The following ASTN2 variants were observed in gnomAD, a reference collection of about 807,000 sequenced individuals.
The protein encoded by ASTN2 is astrotactin-2.
Under a neutral mutation model 139.8 loss-of-function variants are expected in ASTN2, and 54 were observed. The ratio of observed to expected loss-of-function variants is 0.39; its 90% CI spans 0.31 to 0.48. The LOEUF is 0.48. ASTN2 is among the 20% of genes least tolerant of loss of function. The pLI is 0.95. For missense variants in ASTN2, 1,565 were observed against 1,725.1 expected, an observed-to-expected ratio of 0.91 and a Z score of 1.64; for synonymous variants, 756 against 719.5, an observed-to-expected ratio of 1.05 and a Z score of -0.81.
intron 20 of ASTN2, among the ~76,000 whole-genome samples, chr9:116,478,973 C>A (rs1248568482): frequency 1.8e-5 from 2 of 110,512 alleles, no homozygotes; most frequent in Non-Finnish European, 3.3e-5. Flanking sequence ...GTCTGGGCGA[C>A]AGAAGGAGAC....
chr9:116,708,879 A>T (rs1828066375), intron 16 of ASTN2, among the ~76,000 whole-genome samples: 1 of 152,214 alleles, frequency 6.6e-6, no homozygotes, highest in Non-Finnish European at 1.5e-5. Context: ...CAGGCACTGC[A>T]ATTAGTGACC....
intron 13 of ASTN2, among the ~76,000 whole-genome samples, chr9:116,780,567 G>A (rs1458710519): frequency 6.6e-6 from 1 of 152,176 alleles, no homozygotes; most frequent in Non-Finnish European, 1.5e-5. Flanking sequence ...CACGCAGTTT[G>A]TCCTTCCAGG....
intron 10 of ASTN2, among the ~76,000 whole-genome samples, chr9:116,944,160 T>G (rs796896065): frequency 3.9e-5 from 6 of 151,970 alleles, no homozygotes; most frequent in African/African-American, 1.4e-4. Context: ...AAGCAGAAAA[T>G]GATTAAGCAA....
intron 11 of ASTN2, among the ~76,000 whole-genome samples, chr9:116,849,453 A>C (rs2132319661): frequency 6.6e-6 from 1 of 152,310 alleles, no homozygotes; most frequent in South Asian, 2.1e-4. Context: ...AATGATAACA[A>C]GAATTTTAGA....
intron 10 of ASTN2, among the ~76,000 whole-genome samples, chr9:116,869,483 CAT>C (rs1232664526): frequency 6.6e-6 from 1 of 152,144 alleles, no homozygotes; most frequent in African/African-American, 2.4e-5. Context: ...CTAGACACTT[CAT>C]GTTTCATTGT....
chr9:117,318,825 G>A (rs1163023120), intron 1 of ASTN2, among the ~76,000 whole-genome samples: 2 of 152,166 alleles, frequency 1.3e-5, no homozygotes, highest in Non-Finnish European at 2.9e-5. Context: ...CAAAAGGCCT[G>A]GAGCTGCCCA....
At chr9:117,150,375 G>A (rs1396162006) in intron 3 of ASTN2, among the ~76,000 whole-genome samples, 1 of 152,170 alleles carries the variant, frequency 6.6e-6, no homozygotes, top group African/African-American at 2.4e-5. Flanking sequence ...GACCAGAAAG[G>A]TAATGGACAT....
chr9:116,499,290 T>C (rs534274918), intron 19 of ASTN2, among the ~76,000 whole-genome samples: 16 of 152,296 alleles, frequency 1.1e-4, no homozygotes, highest in Middle Eastern at 3.4e-3. Context: ...GGGGGCACAG[T>C]AGCTATTCAT....
At chr9:117,234,204 G>A (rs1353813047) in intron 2 of ASTN2, among the ~76,000 whole-genome samples, 1 of 152,208 alleles carries the variant, frequency 6.6e-6, no homozygotes, top group Non-Finnish European at 1.5e-5. Context: ...AAAGGCAGCA[G>A]TGGTACTCAG....
chr9:117,231,288 C>A (rs1264520529), intron 2 of ASTN2, among the ~76,000 whole-genome samples: 1 of 152,194 alleles, frequency 6.6e-6, no homozygotes, highest in African/African-American at 2.4e-5. Flanking sequence ...TCTACAATGG[C>A]CCTAGGCCAC....
rs1280635774 is a variant in ASTN2 at position 117,185,393 on chromosome 9, T to C, written c.1015+28965A>G. 2.8e-5 allele frequency among the ~76,000 whole-genome samples: 4 copies of C among 143,062 alleles called. No individual in the cohort carries two copies. The East Asian group carries it at 1.0e-3, about 36-fold the overall frequency. 93.9% of individuals were successfully genotyped at this position (143,062 alleles called of 152,430 possible). ...TGGGCAGATGGACTCCCTACTATTC[T>C]GGACAGGATATGATGTTTGAGGATC... On this transcript the variant is annotated intron_variant, in intron 3 of 22. Coordinates refer to ENST00000313400, the MANE Select transcript of ASTN2 (RefSeq NM_001365068.1).
chr9:117,277,419 G>A (rs1030747929), intron 2 of ASTN2: 1 of 152,142 alleles, frequency 6.6e-6, no homozygotes, highest in Admixed American at 6.5e-5. Context: ...CATGTAAAAA[G>A]CTGTGCATAT....
chr9:116,514,956 T>A (rs1850579717), intron 19 of ASTN2, among the ~76,000 whole-genome samples: 1 of 152,132 alleles, frequency 6.6e-6, no homozygotes, highest in Non-Finnish European at 1.5e-5. Context: ...GGTGAGGCGA[T>A]GCCTCACCCT....
intron 1 of ASTN2, among the ~76,000 whole-genome samples, chr9:117,358,378 A>C (rs988756208): frequency 1.6e-4 from 24 of 151,314 alleles, no homozygotes; most frequent in African/African-American, 5.6e-4. Context: ...GCAACAGGAA[A>C]AGGTGAGGGT....
In ASTN2 at chr9:116,805,644, T is replaced by C; in HGVS notation, c.2384A>G (p.Gln795Arg). 1 of 1,613,818 alleles carries C rather than the reference T, an allele frequency of 6.2e-7. No individual in the cohort carries two copies. Among genetic ancestry groups the C allele is most frequent in the South Asian group, 1.1e-5 (1 of 91,046 alleles). ...ATCTACAGCATACCTAAAGGTCATC[T>C]GGAAGACTTGGCCTTGGTTCACATG... ...TQHVNQGQVF[Q>R]MTFRENNFIK... Residue 795 changes from glutamine to arginine, a missense_variant, in exon 13 of 23, where the codon CAG becomes CGG. By Grantham distance (43) the Gln-to-Arg change is conservative. Transcript: ENST00000313400.
intron 4 of ASTN2, among the ~76,000 whole-genome samples, chr9:117,127,410 C>T (rs997348): frequency 6.6e-6 from 1 of 152,016 alleles, no homozygotes; most frequent in South Asian, 2.1e-4. Context: ...ATCTTTATAA[C>T]TAGATCACAC....
At chr9:116,845,171 G>C (rs982767700) in intron 11 of ASTN2, among the ~76,000 whole-genome samples, 3 of 152,190 alleles carry the variant, frequency 2.0e-5, no homozygotes, top group Non-Finnish European at 4.4e-5. Flanking sequence ...CTGGAGTGTG[G>C]TGGTGCGATC....
chr9:116,570,326 T>A (rs1193714326), intron 19 of ASTN2, among the ~76,000 whole-genome samples: 1 of 152,184 alleles, frequency 6.6e-6, no homozygotes, highest in African/African-American at 2.4e-5. Context: ...TCTCTTATTG[T>A]ATAAGTTTTA....
chr9:116,567,472 T>C (rs1853292978), intron 19 of ASTN2, among the ~76,000 whole-genome samples: 2 of 152,190 alleles, frequency 1.3e-5, no homozygotes, highest in Admixed American at 6.5e-5. Context: ...GGAAACCTTG[T>C]GGACATGCAG....
Sources: gnomAD v4.1 joint callset for allele counts (sites outside exome capture counted in the v4.1 genomes callset) on GRCh38, gnomAD v4.1.1 for gene constraint, MANE v1.5 for transcripts, NCBI Gene and HGNC (gene_info 2026-07-23, HGNC 2026-07-21) for gene names.